ITIH1: variants seen among roughly 807,000 people sequenced by gnomAD.
ITIH1 encodes the protein inter-alpha-trypsin inhibitor heavy chain H1.
A neutral mutation model predicts 104.6 loss-of-function variants in ITIH1; 94 were observed. That is an observed-to-expected ratio of 0.90 (90% CI 0.76 to 1.07). ITIH1 has a LOEUF of 1.07. Ranked by LOEUF, ITIH1 falls within the 50% of genes least tolerant of loss-of-function variation. The pLI, the probability that ITIH1 is intolerant of heterozygous loss-of-function variation, is 0.00. For synonymous variants in ITIH1, 455 were observed against 464.4 expected, an observed-to-expected ratio of 0.98 and a Z score of 0.26; for missense variants, 1,193 against 1,181.4, an observed-to-expected ratio of 1.01 and a Z score of -0.14.
chr3:52,783,039 A>G lies in ITIH1; in HGVS notation c.1013A>G (p.Gln338Arg). Residue 338 changes from glutamine (Q) to arginine (R), a missense_variant, in exon 9 of 22, where the codon CAA (glutamine) becomes CGA (arginine). Coordinates refer to ENST00000273283, the MANE Select transcript of ITIH1 (RefSeq NM_002215.4). Reference protein sequence around the residue: ...FDLVLFGTRVQSWKGSLVQAS... With the variant: ...FDLVLFGTRVRSWKGSLVQAS... Reference sequence around the variant, plus strand: ...CTGGTTCTTTTTGGGACTCGAGTACAATCGTGGAAGGGCTCGCTGGTGCAA... The same window carrying G: ...CTGGTTCTTTTTGGGACTCGAGTACGATCGTGGAAGGGCTCGCTGGTGCAA... 6.2e-7 allele frequency: 1 copy of G among 1,613,996 alleles called. No individual in the cohort carries two copies. Among genetic ancestry groups the G allele is most frequent in the Non-Finnish European group, 8.5e-7 (1 of 1,179,990 alleles).
At position 52,779,967 on chromosome 3, in the gene ITIH1, C is replaced by G; in HGVS notation, c.574-302C>G. ...TGGTGGCTGAGTTGAGGGATGCAGG[C>G]ATGTACACCTTCATTTGGTCAGTAT... On this transcript the variant is annotated intron_variant, in intron 5 of 21. Transcript: ENST00000273283. This position sits in a 1 kb window ranked among gnomAD's most constrained non-coding sequence, Gnocchi z 4.4. 7.2e-7 allele frequency: 1 copy of G among 1,388,206 alleles called. No individual in the cohort carries two copies. The highest frequency in any genetic ancestry group is 1.6e-5 in the South Asian group (1 of 64,122). 86.0% of individuals were successfully genotyped at this position (1,388,206 alleles called of 1,614,324 possible). A position where few individuals can be genotyped will look rare whatever the true frequency, so the allele number is the denominator to read the frequency against.
chr3:52,784,128 G>T (rs1281107935), intron 10 of ITIH1, among the ~76,000 whole-genome samples, 168 bp from the exon 11 acceptor site: 4 of 152,094 alleles, frequency 2.6e-5, no homozygotes, highest in Non-Finnish European at 5.9e-5. Context: ...GATAGCTGCT[G>T]CAGTCTCCCA....
chr3:52,789,399 C>T (rs953236156), intron 18 of ITIH1, among the ~76,000 whole-genome samples: 4 of 151,820 alleles, frequency 2.6e-5, no homozygotes, highest in South Asian at 2.1e-4. Context: ...GTCCTGTTCT[C>T]GGGGAGGCAC....
chr3:52,785,068 C>A lies in ITIH1; in HGVS notation c.1432C>A (p.Pro478Thr). The A allele has an allele frequency of 1.9e-6, 3 of 1,614,088 alleles. No homozygotes were observed. The highest frequency in any genetic ancestry group is 2.5e-6 in the Non-Finnish European group (3 of 1,180,000). ...LQGFYSQVAK[P>T]LLVDVDLQYP... ...GGGTTTCTACAGCCAGGTAGCCAAA[C>A]CCCTGCTGGTGGATGTGGATTTGCA... The change falls in exon 12 of 22, where the codon CCC becomes ACC. Residue 478 changes from proline to threonine, a missense_variant. Transcript: ENST00000273283.
At chr3:52,789,160 TC>T in intron 18 of ITIH1, among the ~76,000 whole-genome samples, 1 of 113,310 alleles carries the variant, frequency 8.8e-6, no homozygotes, top group East Asian at 2.4e-4. Flanking sequence ...GCCAAGATAG[TC>T]CCGCTTTCAT....
chr3:52,791,644 GCC>G lies in ITIH1; in HGVS notation c.2606+18_2606+19del. 3 of 1,612,818 alleles carry G rather than the reference GCC, an allele frequency of 1.9e-6. No homozygotes were observed. The highest frequency in any genetic ancestry group is 2.5e-6 in the Non-Finnish European group (3 of 1,179,300). On this transcript the variant is annotated intron_variant, in intron 21 of 21. Transcript: ENST00000273283. ...CGGTCACCAGGTGGGTGGGCTGCTT[GCC>G]CAGCACGTCTGCCCTCGGCCACTTT...
chr3:52,778,100 C>T, intron 2 of ITIH1, 83 bp downstream of exon 2: 1 of 1,495,722 alleles, frequency 6.7e-7, no homozygotes, highest in Non-Finnish European at 9.3e-7. Context: ...GGGTGGACCC[C>T]TCTATCAGGG....
At chr3:52,780,907 T>A (rs931718749) in intron 6 of ITIH1, among the ~76,000 whole-genome samples, 1 of 152,222 alleles carries the variant, frequency 6.6e-6, no homozygotes, top group Non-Finnish European at 1.5e-5. Flanking sequence ...GGTGTATGGA[T>A]GGGCAATGCC....
At chr3:52,787,872 T>G (rs944034824) in intron 16 of ITIH1, 114 bp from the exon 17 acceptor site, 5 of 1,087,596 alleles carry the variant, frequency 4.6e-6, no homozygotes, top group Non-Finnish European at 5.7e-6. Context: ...TGGACATCCC[T>G]GCTTGGTGGC....
chr3:52,784,529 G>C, intron 11 of ITIH1, 52 bp downstream of exon 11: 1 of 1,560,932 alleles, frequency 6.4e-7, no homozygotes, highest in Non-Finnish European at 8.7e-7. Flanking sequence ...AGGGAGCCCT[G>C]CCTTGGTGGC....
Position 52,782,089 on chromosome 3 carries a change from GC to G in ITIH1, c.813+25del, listed in dbSNP as rs1191219999. ...TGGTGAGCCCTGAGCTTCTGGCTCA[GC>G]ACCCAGAGGATGGGCAAGGGGTGCT... On this transcript the variant is annotated intron_variant, in intron 7 of 21. Coordinates refer to ENST00000273283, the MANE Select transcript of ITIH1 (RefSeq NM_002215.4). 1.1e-5 allele frequency: 18 copies of G among 1,614,068 alleles called. No homozygotes were observed. In the Admixed American group the frequency reaches 3.0e-4, roughly 27 times the overall value.
Position 52,791,561 on chromosome 3 carries a change from C to T in ITIH1, c.2539C>T (p.Pro847Ser). 6.2e-7 allele frequency: 1 copy of T among 1,614,144 alleles called. No homozygotes were observed. Among genetic ancestry groups the T allele is most frequent in the South Asian group, 1.1e-5 (1 of 91,084 alleles). ...CGGTTTTGAAGTGTCTGACATCCAC[C>T]CAGGCTCTGACCCCACAAAGCCAGA... ...PIGFEVSDIH[P>S]GSDPTKPDAT... The change falls in exon 21 of 22, where the codon CCA (proline) becomes TCA (serine). Residue 847 changes from proline to serine, a missense_variant. Coordinates refer to ENST00000273283, the MANE Select transcript of ITIH1 (RefSeq NM_002215.4).
intron 2 of ITIH1, 87 bp downstream of exon 2, chr3:52,778,104 A>C (rs541142547): frequency 6.9e-7 from 1 of 1,453,574 alleles, no homozygotes; most frequent in East Asian, 2.3e-5. Flanking sequence ...GGACCCCTCT[A>C]TCAGGGCCAT....
chr3:52,787,971 TC>T lies in ITIH1; in HGVS notation c.1925-10del, dbSNP rs3214326. The T allele has an allele frequency of 1.2e-5, 19 of 1,589,238 alleles. No individual in the cohort carries two copies. The highest frequency in any genetic ancestry group is 6.8e-5 in the African/African-American group (5 of 73,492). On this transcript the variant is annotated splice_polypyrimidine_tract_variant and intron_variant, in intron 16 of 21. Transcript: ENST00000273283. Reference sequence around the variant, plus strand: ...TGGCTGCCCCGCTTCTAAATGCCACTCCCCCTCCCATCAGCGTTCGTGCTGT... The same window carrying T: ...TGGCTGCCCCGCTTCTAAATGCCACTCCCCTCCCATCAGCGTTCGTGCTGT...
chr3:52,787,453 G>A, intron 15 of ITIH1, 139 bp from the exon 16 acceptor site: 1 of 1,075,000 alleles, frequency 9.3e-7, no homozygotes, highest in South Asian at 1.3e-5. Context: ...ATGTCTGTGA[G>A]GAGGCAGGAC....
chr3:52,785,007 G>A (rs1375316144), intron 11 of ITIH1, 37 bp from the exon 12 acceptor site: 1 of 1,605,110 alleles, frequency 6.2e-7, no homozygotes, highest in Admixed American at 1.7e-5. Context: ...GGAGCCCAGG[G>A]TGCTCAGCTC....
chr3:52,785,940 C>T (rs1301559430), intron 12 of ITIH1, among the ~76,000 whole-genome samples: 2 of 152,218 alleles, frequency 1.3e-5, no homozygotes, highest in Non-Finnish European at 2.9e-5. Context: ...GGAGGAGGCA[C>T]ATTTGTGTGC....
In ITIH1 at chr3:52,779,130, G is replaced by A. The variant is rs147194788; in HGVS notation, c.410+84G>A. ...CTGATGGCTGCAAGGTGGCTTTAGT[G>A]GAGAACAGCCCAGGATGATGGAAGG... On this transcript the variant is annotated intron_variant, in intron 4 of 21. Transcript: ENST00000273283. The surrounding 1 kb of genome is among the most constrained non-coding windows in gnomAD (Gnocchi z 4.4). 8.1e-6 allele frequency: 8 copies of A among 982,794 alleles called. No individual in the cohort carries two copies. Among genetic ancestry groups the A allele is most frequent in the Non-Finnish European group, 1.3e-5 (8 of 610,256 alleles). 60.9% of individuals were successfully genotyped at this position (982,794 alleles called of 1,614,324 possible). A position where few individuals can be genotyped will look rare whatever the true frequency, so the allele number is the denominator to read the frequency against.
intron 19 of ITIH1, chr3:52,790,544 G>T (rs1267223135): frequency 8.9e-6 from 5 of 562,246 alleles, no homozygotes; most frequent in Non-Finnish European, 1.6e-5. Flanking sequence ...TTGCACAGAG[G>T]GCTTAGCACA....
Sources: gnomAD v4.1 joint callset for allele counts (sites outside exome capture counted in the v4.1 genomes callset) on GRCh38, gnomAD v4.1.1 for gene constraint, Gnocchi (gnomAD v3.1) non-coding constraint, MANE v1.5 for transcripts, NCBI Gene and HGNC (gene_info 2026-07-23, HGNC 2026-07-21) for gene names.